CSMD1: variants seen among roughly 807,000 people sequenced by gnomAD.
CSMD1 encodes CUB and Sushi multiple domains 1.
Under a neutral mutation model 417.5 loss-of-function variants are expected in CSMD1, and 213 were observed. The observed-to-expected ratio is 0.51, with a 90% CI of 0.46 to 0.57. The LOEUF (loss-of-function observed/expected upper bound fraction) is 0.57. Among genes scored for constraint, CSMD1 ranks in the 20% least tolerant of loss-of-function variants. The pLI is 0.00. For synonymous variants in CSMD1, 2,862 were observed against 1,736.8 expected (o/e 1.65, Z -16.11); for missense variants, 6,923 against 4,529.7 (o/e 1.53, Z -15.17).
intron 2 of CSMD1, among the ~76,000 whole-genome samples, chr8:4,632,988 C>T (rs149393346): frequency 6.6e-6 from 1 of 152,068 alleles, no homozygotes; most frequent in African/African-American, 2.4e-5. Flanking sequence ...AGTTTGGAGT[C>T]CGATCATGGA....
At chr8:3,404,669 G>C (rs1430385053) in intron 15 of CSMD1, among the ~76,000 whole-genome samples, 1 of 152,054 alleles carries the variant, frequency 6.6e-6, no homozygotes, top group Non-Finnish European at 1.5e-5. Flanking sequence ...AATAAACTAA[G>C]AGGGAAAAAT....
chr8:3,586,020 A>C, intron 9 of CSMD1, 116 bp downstream of exon 9: 3 of 1,048,294 alleles, frequency 2.9e-6, no homozygotes, highest in South Asian at 3.9e-5. Context: ...AACATACATT[A>C]CTACCGAATT....
chr8:3,298,885 T>C (rs1259220269), intron 25 of CSMD1, among the ~76,000 whole-genome samples: 2 of 152,224 alleles, frequency 1.3e-5, no homozygotes, highest in East Asian at 1.9e-4. Flanking sequence ...CCTTTCTTTA[T>C]CTGAGTTCTG....
intron 7 of CSMD1, among the ~76,000 whole-genome samples, chr8:3,632,669 C>G (rs191034801): frequency 2.6e-5 from 4 of 152,152 alleles, no homozygotes; most frequent in Non-Finnish European, 4.4e-5. Flanking sequence ...AACTGTCACC[C>G]TAATGATTCA....
intron 7 of CSMD1, among the ~76,000 whole-genome samples, chr8:3,695,084 C>CTGTGTGTGTGTGTG: frequency 3.0e-5 from 1 of 33,242 alleles, no homozygotes; most frequent in Admixed American, 4.4e-4. Flanking sequence ...ATTGGAGGCC[C>CTGTGTGTGTGTGTG]TGCGTGTGTG....
At chr8:4,294,543 A>G (rs74882471) in intron 3 of CSMD1, among the ~76,000 whole-genome samples, 11,888 of 152,146 alleles carry the variant, frequency 0.078, 517 homozygotes, top group South Asian at 0.12. Flanking sequence ...GCAAACACAA[A>G]TCACTTGTCC....
intron 4 of CSMD1, among the ~76,000 whole-genome samples, chr8:4,010,378 T>A (rs2740954): frequency 0.81 from 122,774 of 152,092 alleles, 49,943 homozygotes; most frequent in African/African-American, 0.92. Flanking sequence ...CTTCGGGCCC[T>A]CTGTCAGCCT....
chr8:3,756,876 G>C (rs113205034), intron 5 of CSMD1, among the ~76,000 whole-genome samples: 1 of 151,980 alleles, frequency 6.6e-6, no homozygotes, highest in Non-Finnish European at 1.5e-5. Flanking sequence ...GCTCACAGCA[G>C]TCTCCGACTC....
At chr8:4,538,241 T>C (rs1797204433) in intron 2 of CSMD1, among the ~76,000 whole-genome samples, 1 of 150,948 alleles carries the variant, frequency 6.6e-6, no homozygotes, top group Non-Finnish European at 1.5e-5. Context: ...TGTGGCACCC[T>C]TATATTTTTC....
rs1202222393 is a variant in CSMD1, at chr8:4,216,618, T to G, written c.416-184519A>C. The stretch of plus-strand genomic sequence containing the variant: ...AAGGTGCTGAGGACACCGTGAAGTG[T>G]GAATGCTGGGCCTCACAGCCCTGTG... On this transcript the variant is annotated intron_variant, in intron 3 of 69. Coordinates refer to ENST00000635120, the MANE Select transcript of CSMD1 (RefSeq NM_033225.6). Among the ~76,000 whole-genome samples the G allele has an allele frequency of 4.6e-5, 7 of 152,236 alleles. No homozygotes were observed. The East Asian group carries it at 1.4e-3, about 29-fold the overall frequency.
chr8:4,025,625 A>C (rs1019124964), intron 4 of CSMD1, among the ~76,000 whole-genome samples: 20 of 152,324 alleles, frequency 1.3e-4, no homozygotes, highest in African/African-American at 4.6e-4. Flanking sequence ...ACATGCCAAT[A>C]ATATACAATG....
intron 3 of CSMD1, among the ~76,000 whole-genome samples, chr8:4,309,521 C>T (rs1479159326): frequency 6.6e-6 from 1 of 151,852 alleles, no homozygotes; most frequent in South Asian, 2.1e-4. Flanking sequence ...AAGGTAAATC[C>T]TGTAACACAG....
At chr8:4,279,081 TC>T (rs956589642) in intron 3 of CSMD1, among the ~76,000 whole-genome samples, 4 of 152,216 alleles carry the variant, frequency 2.6e-5, no homozygotes, top group African/African-American at 9.6e-5. Flanking sequence ...TTGAACATTT[TC>T]CTAATTTTTT....
intron 5 of CSMD1, among the ~76,000 whole-genome samples, chr8:3,794,909 C>A (rs1158669644): frequency 6.6e-6 from 1 of 151,796 alleles, no homozygotes; most frequent in African/African-American, 2.4e-5. Flanking sequence ...TGGTTTCCTA[C>A]CCATTTTCAT....
intron 7 of CSMD1, among the ~76,000 whole-genome samples, chr8:3,704,237 G>A (rs1801037350): frequency 1.3e-5 from 2 of 152,054 alleles, no homozygotes; most frequent in Admixed American, 1.3e-4. Context: ...GAGCAGCCTG[G>A]GAAAAGTCAG....
chr8:4,371,907 G>C (rs1317496501), intron 3 of CSMD1, among the ~76,000 whole-genome samples: 1 of 152,226 alleles, frequency 6.6e-6, no homozygotes, highest in African/African-American at 2.4e-5. Flanking sequence ...AAGAAGGGAA[G>C]TGTGGATTTC....
At chr8:3,133,411 C>T (rs1292319078) in intron 41 of CSMD1, among the ~76,000 whole-genome samples, 8 of 152,338 alleles carry the variant, frequency 5.3e-5, no homozygotes, top group Non-Finnish European at 1.0e-4. Flanking sequence ...GAGCTTGGGT[C>T]TGTCTTGTGT....
chr8:3,284,595 G>T (rs1803005927), intron 25 of CSMD1: 1 of 487,448 alleles, frequency 2.1e-6, no homozygotes, highest in South Asian at 2.3e-5. Context: ...GCTAGATGCT[G>T]AGCTATCCAT....
chr8:3,645,053 T>C (rs1297640615), intron 7 of CSMD1, among the ~76,000 whole-genome samples: 1 of 150,884 alleles, frequency 6.6e-6, no homozygotes, highest in Admixed American at 6.6e-5. Context: ...ATCTGCCTCA[T>C]GAAGATCCAG....
Sources: allele counts gnomAD v4.1 joint callset (sites outside exome capture counted in the v4.1 genomes callset), GRCh38; gene constraint gnomAD v4.1.1; transcripts MANE v1.5; gene names NCBI Gene and HGNC (gene_info 2026-07-23, HGNC 2026-07-21).